RFTN1: variants seen among roughly 807,000 people sequenced by gnomAD.
The protein encoded by RFTN1 is raftlin, lipid raft linker 1.
RFTN1 carries 26 observed loss-of-function variants against 46.5 expected under a neutral mutation model. The ratio of observed to expected loss-of-function variants is 0.56; its 90% CI spans 0.41 to 0.78. RFTN1 has a LOEUF of 0.78. Among genes scored for constraint, RFTN1 ranks in the 30% least tolerant of loss-of-function variants. The pLI is 0.00. For synonymous variants in RFTN1, 261 were observed against 284.2 expected (o/e 0.92, Z 0.82); for missense variants, 693 against 718.7 (o/e 0.96, Z 0.41).
At chr3:16,401,003 C>T (rs2074586639) in intron 4 of RFTN1, among the ~76,000 whole-genome samples, 1 of 152,078 alleles carries the variant, frequency 6.6e-6, no homozygotes, top group Non-Finnish European at 1.5e-5. Flanking sequence ...CTCCCAATAC[C>T]TTTCAGCTGA....
At chr3:16,486,489 C>G (rs1319813941) in intron 2 of RFTN1, among the ~76,000 whole-genome samples, 1 of 152,208 alleles carries the variant, frequency 6.6e-6, no homozygotes, top group Non-Finnish European at 1.5e-5. Context: ...GCAGGGTTAT[C>G]TCCGTGTTTT....
At chr3:16,505,016 T>A (rs2076778968) in intron 1 of RFTN1, among the ~76,000 whole-genome samples, 1 of 152,190 alleles carries the variant, frequency 6.6e-6, no homozygotes, top group African/African-American at 2.4e-5. Flanking sequence ...CCAGAGCTGG[T>A]GGATGCTATC....
At chr3:16,324,620 C>A (rs570842581) in intron 8 of RFTN1, among the ~76,000 whole-genome samples, 10 of 142,888 alleles carry the variant, frequency 7.0e-5, no homozygotes, top group Non-Finnish European at 1.5e-4. Flanking sequence ...CTGACCCCCC[C>A]CCTTTTAAGG....
rs2072798934 is a variant in RFTN1, at chr3:16,361,123, A to G, written c.1031-3076T>C. 6.6e-6 allele frequency among the ~76,000 whole-genome samples: 1 copy of G among 152,248 alleles called. No individual in the cohort carries two copies. The highest frequency in any genetic ancestry group is 6.5e-5 in the Admixed American group (1 of 15,286). ...CCTCTACAAGGCTCTTGAAGGCCTA[A>G]CTAGAATCAAAGAGTTTTTTAAAAC... On this transcript the variant is annotated intron_variant, in intron 6 of 9. Coordinates refer to ENST00000334133, the MANE Select transcript of RFTN1 (RefSeq NM_015150.2). This position sits in a 1 kb window ranked among gnomAD's most constrained non-coding sequence, Gnocchi z 4.3.
At chr3:16,330,560 T>G (rs1575000333) in intron 7 of RFTN1, among the ~76,000 whole-genome samples, 1 of 152,334 alleles carries the variant, frequency 6.6e-6, no homozygotes, top group East Asian at 1.9e-4. Flanking sequence ...AAGACATTTC[T>G]TTCTCTGAGT....
rs1031431113 is a variant in RFTN1, at chr3:16,425,788, G to C, written c.332+8063C>G. ...CACACCAGAAAAGGGTGTCACTCCAGAGTGAGATGGGAAAATAAGAGGAAT... is the reference window on the plus strand; with the variant it reads ...CACACCAGAAAAGGGTGTCACTCCACAGTGAGATGGGAAAATAAGAGGAAT... On this transcript the variant is annotated intron_variant, in intron 3 of 9. Transcript: ENST00000334133. The surrounding 1 kb of genome is among the most constrained non-coding windows in gnomAD (Gnocchi z 4.3). Among the ~76,000 whole-genome samples, 7 of 152,242 alleles carry C rather than the reference G, an allele frequency of 4.6e-5. No individual in the cohort carries two copies. The highest frequency in any genetic ancestry group is 2.1e-4 in the South Asian group (1 of 4,812).
Position 16,387,601 on chromosome 3 carries a change from T to TCTCTCTCTCTCC in RFTN1, c.442-9500_442-9499insGGAGAGAGAGAG, listed in dbSNP as rs2074229160. Among the ~76,000 whole-genome samples, 1 of 149,724 alleles carries TCTCTCTCTCTCC rather than the reference T, an allele frequency of 6.7e-6. No individual in the cohort carries two copies. Among genetic ancestry groups the TCTCTCTCTCTCC allele is most frequent in the Admixed American group, 6.7e-5 (1 of 14,934 alleles). ...CTCTCTCTCTCTCTCTCTCTCTCTC[T>TCTCTCTCTCTCC]CTCTCTCTCTACTGGCTCCTTCCAC... On this transcript the variant is annotated intron_variant, in intron 4 of 9. Coordinates refer to ENST00000334133, the MANE Select transcript of RFTN1 (RefSeq NM_015150.2). The surrounding 1 kb of genome is among the most constrained non-coding windows in gnomAD (Gnocchi z 5.2).
rs574828151 is a variant in RFTN1, at chr3:16,421,620, G to A, written c.333-12137C>T. Among the ~76,000 whole-genome samples, 49 of 152,280 alleles carry A rather than the reference G, an allele frequency of 3.2e-4. No individual in the cohort carries two copies. Among genetic ancestry groups the A allele is most frequent in the Non-Finnish European group, 5.9e-4 (40 of 68,018 alleles). On this transcript the variant is annotated intron_variant, in intron 3 of 9. Coordinates refer to ENST00000334133, the MANE Select transcript of RFTN1 (RefSeq NM_015150.2). This position sits in a 1 kb window ranked among gnomAD's most constrained non-coding sequence, Gnocchi z 4.6. ...CCGCCTCGGCCTCCCAAAGTGCTGG[G>A]ATTACAGGTGTGAGCCACCACGCCC...
intron 2 of RFTN1, among the ~76,000 whole-genome samples, chr3:16,476,148 C>T (rs1018167451): frequency 3.3e-5 from 5 of 152,180 alleles, no homozygotes; most frequent in South Asian, 4.1e-4. Context: ...ACTGCATCCT[C>T]GCTTTGCCAG....
chr3:16,339,385 G>C (rs1222062482), intron 7 of RFTN1: 1 of 152,210 alleles, frequency 6.6e-6, no homozygotes, highest in African/African-American at 2.4e-5. Flanking sequence ...GGGCTTCTGA[G>C]GTGCCAGAAA....
intron 2 of RFTN1, among the ~76,000 whole-genome samples, chr3:16,469,246 T>C (rs2076152577): frequency 6.6e-6 from 1 of 152,062 alleles, no homozygotes; most frequent in Non-Finnish European, 1.5e-5. Flanking sequence ...CTTCACTGAG[T>C]GTTGTGGGGA....
intron 2 of RFTN1, among the ~76,000 whole-genome samples, chr3:16,493,481 C>T (rs993217693): frequency 5.3e-5 from 8 of 152,176 alleles, no homozygotes; most frequent in African/African-American, 1.9e-4. Flanking sequence ...GATCCACCCG[C>T]CTCGGCCTCC....
intron 3 of RFTN1, chr3:16,416,221 AAGAATG>A (rs1406656835): frequency 4.4e-6 from 2 of 456,302 alleles, no homozygotes; most frequent in Non-Finnish European, 8.8e-6. Context: ...CCTGAAAATC[AAGAATG>A]AATAGGACAA....
chr3:16,465,596 T>G lies in RFTN1; in HGVS notation c.145+28129A>C, dbSNP rs1202423498. On this transcript the variant is annotated intron_variant, in intron 2 of 9. Coordinates refer to ENST00000334133, the MANE Select transcript of RFTN1 (RefSeq NM_015150.2). This position sits in a 1 kb window ranked among gnomAD's most constrained non-coding sequence, Gnocchi z 5.1. ...TACATGGTAATTTGCTTCTTTTTAA[T>G]AGTTTGTACAATCTGATGAGTGGTG... 6.6e-6 allele frequency among the ~76,000 whole-genome samples: 1 copy of G among 152,242 alleles called. No individual in the cohort carries two copies. The highest frequency in any genetic ancestry group is 1.5e-5 in the Non-Finnish European group (1 of 68,038).
At chr3:16,416,115 G>C (rs998276018) in intron 3 of RFTN1, 1 of 440,844 alleles carries the variant, frequency 2.3e-6, no homozygotes, top group African/African-American at 2.0e-5. Flanking sequence ...CACTTACACA[G>C]AGCACTGGAG....
rs1157048279 is a variant in RFTN1 at position 16,498,290 on chromosome 3, A to T, written c.-8-4413T>A. Among the ~76,000 whole-genome samples the T allele has an allele frequency of 6.6e-6, 1 of 152,224 alleles. No homozygotes were observed. The highest frequency in any genetic ancestry group is 1.5e-5 in the Non-Finnish European group (1 of 68,042). ...AAATAGCTGAGTCTTAGCCAATCAC[A>T]GCAGCAGAATGCAGTCAATCACAGG... On this transcript the variant is annotated intron_variant, in intron 1 of 9. Coordinates refer to ENST00000334133, the MANE Select transcript of RFTN1 (RefSeq NM_015150.2). The surrounding 1 kb of genome is among the most constrained non-coding windows in gnomAD (Gnocchi z 5.2).
Position 16,475,342 on chromosome 3 carries a change from A to G in RFTN1, c.145+18383T>C, listed in dbSNP as rs1298870220. On this transcript the variant is annotated intron_variant, in intron 2 of 9. Coordinates refer to ENST00000334133, the MANE Select transcript of RFTN1 (RefSeq NM_015150.2). This position sits in a 1 kb window ranked among gnomAD's most constrained non-coding sequence, Gnocchi z 4.2. ...TAGTATGTTTAGAGTTTTGCTTACC[A>G]GCCCCACAATTTTTGAATCTGCAGA... is the stretch of plus-strand genomic sequence containing the variant. 1.3e-5 allele frequency among the ~76,000 whole-genome samples: 2 copies of G among 152,254 alleles called. No individual in the cohort carries two copies. Among genetic ancestry groups the G allele is most frequent in the Non-Finnish European group, 2.9e-5 (2 of 68,034 alleles).
chr3:16,410,571 G>A lies in RFTN1; in HGVS notation c.333-1088C>T, dbSNP rs1384862829. Reference sequence around the variant, plus strand: ...TTCAACCCCTTTAGAGGGCAATCTGGCAAAATCTATGGAAATTAAAGATGC... The same window carrying A: ...TTCAACCCCTTTAGAGGGCAATCTGACAAAATCTATGGAAATTAAAGATGC... On this transcript the variant is annotated intron_variant, in intron 3 of 9. Transcript: ENST00000334133. The surrounding 1 kb of genome is among the most constrained non-coding windows in gnomAD (Gnocchi z 4.6). Among the ~76,000 whole-genome samples, 1 of 152,036 alleles carries A rather than the reference G, an allele frequency of 6.6e-6. No individual in the cohort carries two copies. Among genetic ancestry groups the A allele is most frequent in the Admixed American group, 6.6e-5 (1 of 15,250 alleles).
At chr3:16,403,722 A>ATTT (rs1559326672) in intron 4 of RFTN1, among the ~76,000 whole-genome samples, 1 of 19,858 alleles carries the variant, frequency 5.0e-5, no homozygotes, top group African/African-American at 2.2e-4. Flanking sequence ...TATATAATAT[A>ATTT]TATATTATAT....
Sources: allele counts gnomAD v4.1 joint callset (sites outside exome capture counted in the v4.1 genomes callset), GRCh38; gene constraint gnomAD v4.1.1; non-coding constraint Gnocchi (gnomAD v3.1); transcripts MANE v1.5; gene names NCBI Gene and HGNC (gene_info 2026-07-23, HGNC 2026-07-21).